AFDN: variants seen among roughly 807,000 people sequenced by gnomAD.
The protein encoded by AFDN is afadin.
In AFDN, 68 loss-of-function variants were observed where a neutral mutation model predicts 216.6. That is an observed-to-expected ratio of 0.31 (90% CI 0.26 to 0.38). AFDN has a LOEUF of 0.38. Ranked by LOEUF, AFDN falls within the 10% of genes least tolerant of loss-of-function variation. The probability of loss-of-function intolerance (pLI) is 1.00; values close to 1 mark genes in which losing one functional copy is unlikely to be tolerated. For synonymous variants in AFDN, 868 were observed against 853.7 expected, an observed-to-expected ratio of 1.02 and a Z score of -0.29; for missense variants, 2,136 against 2,342.0, an observed-to-expected ratio of 0.91 and a Z score of 1.82.
At chr6:167,957,203 G>A (rs965616550) in intron 30 of AFDN, among the ~76,000 whole-genome samples, 2 of 150,326 alleles carry the variant, frequency 1.3e-5, no homozygotes, top group African/African-American at 4.9e-5. Flanking sequence ...TATGGGGGGG[G>A]CCCACCTGCC....
intron 2 of AFDN, among the ~76,000 whole-genome samples, chr6:167,869,319 G>T (rs954032901): frequency 6.6e-6 from 1 of 152,056 alleles, no homozygotes; most frequent in African/African-American, 2.4e-5. Flanking sequence ...GAGCATTCCT[G>T]TAACAGATGT....
intron 1 of AFDN, among the ~76,000 whole-genome samples, chr6:167,829,403 A>G (rs1198531508): frequency 1.3e-5 from 2 of 152,128 alleles, no homozygotes; most frequent in Non-Finnish European, 2.9e-5. Context: ...CAGTATTTCA[A>G]GGCCAACAGT....
At chr6:167,854,767 A>G (rs768775379) in intron 1 of AFDN, among the ~76,000 whole-genome samples, 20 of 150,468 alleles carry the variant, frequency 1.3e-4, no homozygotes, top group Non-Finnish European at 2.1e-4. Flanking sequence ...AGAGATTTTT[A>G]TAGTTTTTTT....
At chr6:167,961,068 TA>T (rs527327137) in intron 30 of AFDN, among the ~76,000 whole-genome samples, 7,507 of 148,654 alleles carry the variant, frequency 0.05, 226 homozygotes, top group Non-Finnish European at 0.067. Context: ...GATTTTTATT[TA>T]AAAAAAAAAA....
chr6:167,969,269 T>C, intron 33 of AFDN, 71 bp downstream of exon 33: 1 of 1,162,972 alleles, frequency 8.6e-7, no homozygotes, highest in Non-Finnish European at 1.3e-6. Flanking sequence ...CACGACACCT[T>C]GAGATTATGT....
At chr6:167,956,202 A>C (rs1356527204) in intron 30 of AFDN, among the ~76,000 whole-genome samples, 3 of 151,594 alleles carry the variant, frequency 2.0e-5, no homozygotes, top group Admixed American at 2.0e-4. Flanking sequence ...ATCTGTGAAG[A>C]TATTAGCCCT....
chr6:167,869,744 C>T (rs1399242571), intron 2 of AFDN, among the ~76,000 whole-genome samples: 2 of 152,268 alleles, frequency 1.3e-5, no homozygotes, highest in East Asian at 3.9e-4. Flanking sequence ...TACCATGTTC[C>T]TGATAAGTGT....
At chr6:167,827,672 G>T (rs1490757271) in intron 1 of AFDN, 1 of 151,260 alleles carries the variant, frequency 6.6e-6, no homozygotes, top group Non-Finnish European at 1.5e-5. Context: ...CCGGGATGGA[G>T]CCTGTGACGC....
intron 11 of AFDN, among the ~76,000 whole-genome samples, chr6:167,900,970 T>A (rs187283869): frequency 1.3e-5 from 2 of 152,226 alleles, no homozygotes; most frequent in African/African-American, 2.4e-5. Flanking sequence ...GTAAAAACTT[T>A]TACTCTTTCA....
chr6:167,869,101 A>G (rs1784521303), intron 2 of AFDN, among the ~76,000 whole-genome samples: 1 of 151,976 alleles, frequency 6.6e-6, no homozygotes, highest in Non-Finnish European at 1.5e-5. Context: ...TCTGCAAAGT[A>G]TAGCAGTTTG....
At chr6:167,878,574 G>C (rs1410239029) in intron 5 of AFDN, among the ~76,000 whole-genome samples, 1 of 147,146 alleles carries the variant, frequency 6.8e-6, no homozygotes, top group Non-Finnish European at 1.5e-5. Context: ...ATGCACGCAC[G>C]CACACACACC....
intron 5 of AFDN, among the ~76,000 whole-genome samples, chr6:167,877,076 A>T (rs1318631021): frequency 6.6e-6 from 1 of 152,186 alleles, no homozygotes; most frequent in Non-Finnish European, 1.5e-5. Context: ...GGGGCCTCTG[A>T]GCTCTGTCAT....
intron 33 of AFDN, among the ~76,000 whole-genome samples, chr6:167,969,513 G>A (rs1388522702): frequency 2.0e-5 from 3 of 152,182 alleles, no homozygotes; most frequent in South Asian, 2.1e-4. Flanking sequence ...ACTGGTAAGA[G>A]TCACCTGCTT....
intron 32 of AFDN, among the ~76,000 whole-genome samples, chr6:167,966,509 T>C (rs1797578326): frequency 1.3e-5 from 2 of 152,290 alleles, no homozygotes; most frequent in South Asian, 4.1e-4. Flanking sequence ...CTTTAAAAAG[T>C]TCCATTTCTT....
intron 32 of AFDN, 175 bp downstream of exon 32, chr6:167,966,220 C>T (rs555093244): frequency 5.5e-5 from 85 of 1,532,906 alleles, no homozygotes; most frequent in Non-Finnish European, 7.2e-5. Flanking sequence ...AAAGGCCAGC[C>T]CCTGCCCCCT....
intron 6 of AFDN, among the ~76,000 whole-genome samples, chr6:167,884,111 C>T (rs562413473): frequency 9.2e-5 from 14 of 152,302 alleles, no homozygotes; most frequent in South Asian, 6.2e-4. Flanking sequence ...AGAGGCAACT[C>T]CTTGTTTGTT....
intron 7 of AFDN, among the ~76,000 whole-genome samples, chr6:167,890,062 G>T (rs748899559): frequency 1.3e-5 from 2 of 152,044 alleles, no homozygotes; most frequent in Non-Finnish European, 2.9e-5. Context: ...AAGAAAATAC[G>T]GTTTTCTTTC....
At chr6:167,939,655 G>A (rs1441544474) in intron 23 of AFDN, among the ~76,000 whole-genome samples, 3 of 152,140 alleles carry the variant, frequency 2.0e-5, no homozygotes, top group South Asian at 2.1e-4. Flanking sequence ...TGAAATTGTC[G>A]TTTAAACAGC....
intron 1 of AFDN, among the ~76,000 whole-genome samples, chr6:167,850,907 G>C (rs1434799932): frequency 1.3e-5 from 2 of 151,778 alleles, no homozygotes; most frequent in Non-Finnish European, 2.9e-5. Flanking sequence ...GTGTGACAAA[G>C]TCTTGCTCTG....
Sources: gnomAD v4.1 joint callset for allele counts (sites outside exome capture counted in the v4.1 genomes callset) on GRCh38, gnomAD v4.1.1 for gene constraint, MANE v1.5 for transcripts, NCBI Gene and HGNC (gene_info 2026-07-23, HGNC 2026-07-21) for gene names.